The following MITF variants were observed in gnomAD, a reference collection of about 807,000 sequenced individuals.
MITF encodes the protein melanocyte inducing transcription factor.
Under a neutral mutation model 60.5 loss-of-function variants are expected in MITF, and 17 were observed. The ratio of observed to expected loss-of-function variants is 0.28; its 90% CI spans 0.19 to 0.42. The LOEUF (loss-of-function observed/expected upper bound fraction) is 0.42. MITF is among the 10% of genes least tolerant of loss of function. The pLI is 1.00. For synonymous variants in MITF, 260 were observed against 248.5 expected (o/e 1.05, Z -0.43); for missense variants, 622 against 683.5 (o/e 0.91, Z 1.00).
intron 1 of MITF, among the ~76,000 whole-genome samples, chr3:69,743,054 A>G (rs1409670990): frequency 1.3e-5 from 2 of 152,230 alleles, no homozygotes; most frequent in African/African-American, 2.4e-5. Flanking sequence ...CCCAGAGCCT[A>G]GAACAAAGTT....
chr3:69,871,379 C>T (rs1402688995), intron 1 of MITF, among the ~76,000 whole-genome samples: 2 of 152,168 alleles, frequency 1.3e-5, no homozygotes, highest in Non-Finnish European at 2.9e-5. Flanking sequence ...GGTCGTACTT[C>T]CATGTCTGGA....
intron 1 of MITF, among the ~76,000 whole-genome samples, chr3:69,829,129 C>G (rs990352839): frequency 2.0e-5 from 3 of 152,272 alleles, no homozygotes; most frequent in African/African-American, 7.2e-5. Context: ...CCTAATAATA[C>G]AAATTTGGGC....
chr3:69,842,897 C>T (rs565289720), intron 1 of MITF, among the ~76,000 whole-genome samples: 1 of 152,064 alleles, frequency 6.6e-6, no homozygotes, highest in East Asian at 1.9e-4. Context: ...TGTTTGTGAC[C>T]TGGAACAGAC....
chr3:69,810,829 C>A (rs2063089389), intron 1 of MITF, among the ~76,000 whole-genome samples: 1 of 152,076 alleles, frequency 6.6e-6, no homozygotes, highest in Non-Finnish European at 1.5e-5. Flanking sequence ...AAATCTTTGG[C>A]CTTCATGGAG....
intron 2 of MITF, among the ~76,000 whole-genome samples, chr3:69,921,491 A>G (rs997891512): frequency 1.3e-5 from 2 of 152,110 alleles, no homozygotes; most frequent in African/African-American, 4.8e-5. Context: ...TGTTGAATTG[A>G]TCGTTCTTGA....
chr3:69,844,562 C>T (rs574791956), intron 1 of MITF, among the ~76,000 whole-genome samples: 12 of 152,266 alleles, frequency 7.9e-5, no homozygotes, highest in African/African-American at 2.9e-4. Context: ...TAGGCATGGG[C>T]AAAGACTTCA....
intron 1 of MITF, among the ~76,000 whole-genome samples, chr3:69,795,007 A>T (rs938827936): frequency 6.6e-6 from 1 of 152,162 alleles, no homozygotes; most frequent in East Asian, 1.9e-4. Flanking sequence ...TCTACTCATT[A>T]TGGTGGGCAT....
intron 2 of MITF, among the ~76,000 whole-genome samples, chr3:69,898,794 G>A (rs1022146525): frequency 6.6e-6 from 1 of 152,176 alleles, no homozygotes; most frequent in Admixed American, 6.5e-5. Flanking sequence ...TTGGGAGAGT[G>A]GAGGGGAATG....
intron 1 of MITF, among the ~76,000 whole-genome samples, chr3:69,791,175 A>G (rs1015521370): frequency 6.6e-6 from 1 of 152,212 alleles, no homozygotes; most frequent in Non-Finnish European, 1.5e-5. Flanking sequence ...TCAAATGTGA[A>G]AGTTTTTGAA....
At chr3:69,886,042 T>G (rs9845314) in intron 2 of MITF, among the ~76,000 whole-genome samples, 2,505 of 152,182 alleles carry the variant, frequency 0.016, 70 homozygotes, top group African/African-American at 0.056. Context: ...GTCACCCAAG[T>G]AGGTGGTGCA....
chr3:69,775,822 T>C (rs939237337), intron 1 of MITF, among the ~76,000 whole-genome samples: 4 of 152,214 alleles, frequency 2.6e-5, no homozygotes, highest in Admixed American at 2.0e-4. Flanking sequence ...ACCTACTGTG[T>C]GTAAAAAAGA....
rs538928844 is a variant in MITF at position 69,828,596 on chromosome 3, T to C, written c.105-50538T>C. 1.5e-3 allele frequency among the ~76,000 whole-genome samples: 227 copies of C among 151,890 alleles called. 1 individual carries two copies. Among genetic ancestry groups the C allele is most frequent in the Non-Finnish European group, 2.5e-3 (170 of 67,952 alleles). Reference sequence around the variant, plus strand: ...TATATATAAATATAGAAGGTAAATATACAGATTATATTATATAAATAGATA... The same window carrying C: ...TATATATAAATATAGAAGGTAAATACACAGATTATATTATATAAATAGATA... On this transcript the variant is annotated intron_variant, in intron 1 of 9. Transcript: ENST00000352241.
intron 1 of MITF, 90 bp downstream of exon 1, chr3:69,739,791 C>A: frequency 1.0e-6 from 1 of 990,222 alleles, no homozygotes; most frequent in Non-Finnish European, 1.6e-6. Flanking sequence ...GTCGCGGGAG[C>A]TCTGGGACAA....
intron 1 of MITF, among the ~76,000 whole-genome samples, chr3:69,784,283 A>G (rs1297352659): frequency 6.6e-6 from 1 of 152,098 alleles, no homozygotes; most frequent in Non-Finnish European, 1.5e-5. Context: ...TTTCTTTGCT[A>G]GTGGGTGTTG....
rs112006224 is a variant in MITF at position 69,798,652 on chromosome 3, C to G, written c.104+58951C>G. ...CAACAGCCCTCTAACCCTTCCCCCT[C>G]TGTTTCTATAAAGACCCAAATGGTC... On this transcript the variant is annotated intron_variant, in intron 1 of 9. Transcript: ENST00000352241. Among the ~76,000 whole-genome samples, 659 of 152,364 alleles carry G rather than the reference C, an allele frequency of 4.3e-3. 6 individuals carry two copies. The highest frequency in any genetic ancestry group is 0.015 in the African/African-American group (612 of 41,586).
Position 69,739,527 on chromosome 3 carries a change from C to A in MITF, c.-71C>A. On this transcript the variant is annotated 5_prime_UTR_variant, in exon 1 of 10. Transcript: ENST00000352241. ...GGCGCACGGCTCGGGGGACCCAGGC[C>A]CAGCTACCTTCCCTCCGCCCCCGGG... 1 of 1,395,166 alleles carries A rather than the reference C, an allele frequency of 7.2e-7. No homozygotes were observed. The highest frequency in any genetic ancestry group is 9.9e-7 in the Non-Finnish European group (1 of 1,005,292). 86.4% of individuals were successfully genotyped at this position (1,395,166 alleles called of 1,614,324 possible).
At chr3:69,895,848 G>C (rs558556189) in intron 2 of MITF, among the ~76,000 whole-genome samples, 24 of 139,704 alleles carry the variant, frequency 1.7e-4, no homozygotes, top group Admixed American at 1.7e-3. Context: ...GTGTGTGTGT[G>C]TATGTGTGTG....
chr3:69,857,157 C>T (rs1006333483), intron 1 of MITF, among the ~76,000 whole-genome samples: 1 of 151,868 alleles, frequency 6.6e-6, no homozygotes, highest in African/African-American at 2.4e-5. Context: ...GTGTGGGGTA[C>T]AGACAAGTAA....
chr3:69,802,864 T>A (rs557215248), intron 1 of MITF, among the ~76,000 whole-genome samples: 6 of 151,786 alleles, frequency 4.0e-5, no homozygotes, highest in African/African-American at 1.5e-4. Context: ...GCTAATTTTG[T>A]ATTTTTAGTA....
Sources: allele counts gnomAD v4.1 joint callset (sites outside exome capture counted in the v4.1 genomes callset), GRCh38; gene constraint gnomAD v4.1.1; transcripts MANE v1.5; gene names NCBI Gene and HGNC (gene_info 2026-07-23, HGNC 2026-07-21).